Variants in LINGO2 observed in about 807,000 individuals in gnomAD.
The protein encoded by LINGO2 is leucine-rich repeat and immunoglobulin-like domain-containing nogo receptor-interacting protein 2.
LINGO2 carries 14 observed loss-of-function variants against 30.6 expected under a neutral mutation model. The observed-to-expected ratio is 0.46, with a 90% CI of 0.30 to 0.72. LINGO2 has a LOEUF of 0.72. LINGO2 is among the 30% of genes least tolerant of loss of function. The pLI is 0.07. For synonymous variants in LINGO2, 317 were observed against 288.5 expected (o/e 1.10, Z -1.00); for missense variants, 729 against 751.7 (o/e 0.97, Z 0.35).
At chr9:28,941,116 T>C in the LINGO2 span, among the ~76,000 whole-genome samples, 35 of 152,170 alleles carry the variant, frequency 2.3e-4, no homozygotes, top group South Asian at 6.0e-3. Flanking sequence ...GATACAGTAC[T>C]GGAGTTTTCA....
chr9:28,919,025 C>T, the LINGO2 span, among the ~76,000 whole-genome samples: 5 of 152,074 alleles, frequency 3.3e-5, no homozygotes, highest in South Asian at 4.1e-4. Context: ...AGCTTCAATC[C>T]GTGAAAATAG....
At chr9:28,860,405 C>A in the LINGO2 span, among the ~76,000 whole-genome samples, 19 of 151,986 alleles carry the variant, frequency 1.3e-4, no homozygotes, top group African/African-American at 4.6e-4. Flanking sequence ...CTGACCTTCC[C>A]CATGCTTGAA....
At chr9:28,081,501 C>A (rs747735472) in intron 4 of LINGO2, among the ~76,000 whole-genome samples, 35 of 152,008 alleles carry the variant, frequency 2.3e-4, no homozygotes, top group Non-Finnish European at 4.4e-4. Flanking sequence ...TGTAAAATTT[C>A]AACATTAAAA....
At chr9:29,015,167 G>A in the LINGO2 span, among the ~76,000 whole-genome samples, 4 of 152,076 alleles carry the variant, frequency 2.6e-5, no homozygotes, top group Admixed American at 6.6e-5. Context: ...AGGATGAGAC[G>A]AGGGTAGATG....
chr9:28,249,839 A>C (rs1054736392), intron 4 of LINGO2, among the ~76,000 whole-genome samples: 1 of 152,190 alleles, frequency 6.6e-6, no homozygotes, highest in African/African-American at 2.4e-5. Context: ...ACTCCATTTA[A>C]ATTCTTCCTT....
chr9:28,217,499 TGTTTTC>T (rs1820809974), intron 4 of LINGO2, among the ~76,000 whole-genome samples: 1 of 152,098 alleles, frequency 6.6e-6, no homozygotes, highest in African/African-American at 2.4e-5. Flanking sequence ...TATGCATGAC[TGTTTTC>T]ACAGTTTTCT....
the LINGO2 span, among the ~76,000 whole-genome samples, chr9:29,043,316 G>A: frequency 6.6e-6 from 1 of 151,892 alleles, no homozygotes; most frequent in African/African-American, 2.4e-5. Context: ...ATTATCTGCT[G>A]GGAAGTCTTA....
the LINGO2 span, among the ~76,000 whole-genome samples, chr9:28,931,933 C>T: frequency 6.6e-6 from 1 of 151,006 alleles, no homozygotes; most frequent in Non-Finnish European, 1.5e-5. Flanking sequence ...TATGCTGAAA[C>T]CCCATCTCTA....
At chr9:28,231,209 G>T (rs1821343652) in intron 4 of LINGO2, among the ~76,000 whole-genome samples, 1 of 151,764 alleles carries the variant, frequency 6.6e-6, no homozygotes, top group Non-Finnish European at 1.5e-5. Context: ...GGTAAAGATA[G>T]GTAAGGATAT....
At chr9:28,314,781 G>A (rs982949027) in intron 3 of LINGO2, among the ~76,000 whole-genome samples, 5 of 151,808 alleles carry the variant, frequency 3.3e-5, no homozygotes, top group African/African-American at 1.2e-4. Context: ...TCAGAAGATA[G>A]AGACCATCCT....
chr9:28,051,851 A>C (rs1824690472), intron 4 of LINGO2, among the ~76,000 whole-genome samples: 1 of 152,110 alleles, frequency 6.6e-6, no homozygotes, highest in Admixed American at 6.6e-5. Flanking sequence ...AACAGGATAC[A>C]GTCTGTCCAA....
At chr9:28,151,293 A>G (rs1827993541) in intron 4 of LINGO2, among the ~76,000 whole-genome samples, 1 of 152,082 alleles carries the variant, frequency 6.6e-6, no homozygotes, top group Non-Finnish European at 1.5e-5. Context: ...ATCTCCTTTA[A>G]TATATGCATA....
At chr9:29,182,252 T>C in the LINGO2 span, among the ~76,000 whole-genome samples, 1 of 152,064 alleles carries the variant, frequency 6.6e-6, no homozygotes, top group Non-Finnish European at 1.5e-5. Context: ...CAGGAACATA[T>C]CTCTAACATA....
chr9:28,794,940 C>T, the LINGO2 span, among the ~76,000 whole-genome samples: 1 of 151,798 alleles, frequency 6.6e-6, no homozygotes, highest in African/African-American at 2.4e-5. Flanking sequence ...AAGCGATTCT[C>T]CTGCCTCAAC....
intron 4 of LINGO2, among the ~76,000 whole-genome samples, chr9:28,262,619 T>C (rs1328711341): frequency 6.6e-6 from 1 of 152,156 alleles, no homozygotes; most frequent in South Asian, 2.1e-4. Flanking sequence ...AAAACTGAAC[T>C]GCGTTCAGAA....
chr9:28,561,768 TATATATATATATAA>T lies in LINGO2; in HGVS notation c.-364-85757_-364-85744del, dbSNP rs1380611518. Among the ~76,000 whole-genome samples, 8 of 116,850 alleles carry T rather than the reference TATATATATATATAA, an allele frequency of 6.8e-5. 1 individual carries two copies. The highest frequency in any genetic ancestry group is 2.3e-4 in the African/African-American group (6 of 25,608). The allele number at this position is 116,850 out of a possible 152,430, so 76.7% of individuals were successfully genotyped here. ...GTGTGTGTATATATATATATATATA[TATATATATATATAA>T]AAAATATGCTACTAGAACTGAAAAA... On this transcript the variant is annotated intron_variant, in intron 1 of 5. Coordinates refer to ENST00000379992, the Ensembl canonical transcript of LINGO2.
chr9:29,186,251 C>G, the LINGO2 span, among the ~76,000 whole-genome samples: 4 of 152,100 alleles, frequency 2.6e-5, no homozygotes, highest in South Asian at 4.1e-4. Context: ...CTTAAATTAC[C>G]ATTAAACTCT....
chr9:28,208,497 G>A lies in LINGO2; in HGVS notation c.-87+86711C>T, dbSNP rs146931740. On this transcript the variant is annotated intron_variant, in intron 4 of 5. Coordinates refer to ENST00000379992, the Ensembl canonical transcript of LINGO2. ...ATTTCAAGGTTCTTGGGGGCAGGAG[G>A]TAAAGAGGAGAAAAGATGTGAGGGG... Among the ~76,000 whole-genome samples the A allele has an allele frequency of 6.1e-3, 921 of 152,114 alleles. 17 individuals are homozygous for A. Among genetic ancestry groups the A allele is most frequent in the African/African-American group, 0.021 (868 of 41,522 alleles).
the LINGO2 span, among the ~76,000 whole-genome samples, chr9:29,090,809 C>A: frequency 2.0e-5 from 3 of 151,822 alleles, no homozygotes; most frequent in Admixed American, 6.6e-5. Flanking sequence ...CTCAATGTCA[C>A]TAGATTATAT....
Sources: gnomAD v4.1 joint callset for allele counts (sites outside exome capture counted in the v4.1 genomes callset) on GRCh38, gnomAD v4.1.1 for gene constraint, MANE v1.5 for transcripts, NCBI Gene and HGNC (gene_info 2026-07-23, HGNC 2026-07-21) for gene names.